RBFOX1: variants seen among roughly 807,000 people sequenced by gnomAD.
The protein encoded by RBFOX1 is RNA binding fox-1 homolog 1.
RBFOX1 carries 8 observed loss-of-function variants against 57.7 expected under a neutral mutation model. That is an observed-to-expected ratio of 0.14 (90% CI 0.08 to 0.25). The LOEUF (loss-of-function observed/expected upper bound fraction) is 0.25, where lower values mean the gene tolerates loss of function less well. Among genes scored for constraint, RBFOX1 ranks in the 10% least tolerant of loss-of-function variants. The pLI, the probability that RBFOX1 is intolerant of heterozygous loss-of-function variation, is 1.00. For synonymous variants in RBFOX1, 326 were observed against 222.4 expected, an observed-to-expected ratio of 1.47 and a Z score of -4.15; for missense variants, 611 against 548.5, an observed-to-expected ratio of 1.11 and a Z score of -1.14.
intron 4 of RBFOX1, among the ~76,000 whole-genome samples, chr16:7,085,300 G>T (rs62014108): frequency 2.0e-5 from 3 of 152,092 alleles, no homozygotes; most frequent in Non-Finnish European, 4.4e-5. Flanking sequence ...ACTCAGCACC[G>T]GCTCATGGTT....
chr16:5,480,280 C>G (rs1175765384), intron 2 of RBFOX1, among the ~76,000 whole-genome samples: 1 of 152,056 alleles, frequency 6.6e-6, no homozygotes, highest in Admixed American at 6.5e-5. Flanking sequence ...TTCTCCTAAT[C>G]TCTCTCCAAG....
chr16:7,099,541 C>A (rs1160805150), intron 4 of RBFOX1, among the ~76,000 whole-genome samples: 1 of 152,150 alleles, frequency 6.6e-6, no homozygotes, highest in African/African-American at 2.4e-5. Flanking sequence ...AAGTCTCAGT[C>A]AACTTAGAAA....
chr16:7,665,149 C>T (rs1457982916), intron 13 of RBFOX1, among the ~76,000 whole-genome samples, 181 bp downstream of exon 13: 2 of 152,136 alleles, frequency 1.3e-5, no homozygotes, highest in Non-Finnish European at 2.9e-5. Flanking sequence ...TGGCAGACAT[C>T]ACTGGCTGTT....
intron 4 of RBFOX1, among the ~76,000 whole-genome samples, chr16:7,402,762 A>C (rs1012590562): frequency 6.6e-6 from 1 of 152,172 alleles, no homozygotes; most frequent in African/African-American, 2.4e-5. Flanking sequence ...CCCCTCCTTA[A>C]TCCCATTTGA....
intron 4 of RBFOX1, among the ~76,000 whole-genome samples, chr16:7,375,453 G>A (rs2097667958): frequency 6.6e-6 from 1 of 151,792 alleles, no homozygotes; most frequent in African/African-American, 2.4e-5. Flanking sequence ...CTCAATCCAG[G>A]AAAGAGAGAC....
At chr16:7,036,015 C>T (rs748499775) in intron 3 of RBFOX1, among the ~76,000 whole-genome samples, 3 of 152,144 alleles carry the variant, frequency 2.0e-5, no homozygotes, top group Non-Finnish European at 4.4e-5. Context: ...CTTCCCATTT[C>T]TTAAATAATG....
intron 3 of RBFOX1, among the ~76,000 whole-genome samples, chr16:7,014,038 A>C (rs1185808660): frequency 6.6e-6 from 1 of 152,210 alleles, no homozygotes; most frequent in Non-Finnish European, 1.5e-5. Context: ...TTGAGGATGA[A>C]ATATGTAACA....
chr16:7,513,228 A>T (rs1216329646), intron 4 of RBFOX1, among the ~76,000 whole-genome samples: 2 of 151,910 alleles, frequency 1.3e-5, no homozygotes, highest in Non-Finnish European at 2.9e-5. Context: ...CTACCATTGC[A>T]CTCCAGCTTG....
chr16:6,879,122 C>G (rs756329676), intron 3 of RBFOX1, among the ~76,000 whole-genome samples: 7 of 152,130 alleles, frequency 4.6e-5, no homozygotes, highest in Admixed American at 2.0e-4. Flanking sequence ...ACAGTTTGAC[C>G]TTCATTTCAG....
At chr16:6,430,555 A>G (rs1261360485) in intron 2 of RBFOX1, among the ~76,000 whole-genome samples, 1 of 152,152 alleles carries the variant, frequency 6.6e-6, no homozygotes, top group Non-Finnish European at 1.5e-5. Flanking sequence ...ACACAGGCCA[A>G]AGAATGGAGT....
At chr16:7,701,722 A>G (rs531220234) in intron 14 of RBFOX1, among the ~76,000 whole-genome samples, 1 of 152,282 alleles carries the variant, frequency 6.6e-6, no homozygotes, top group East Asian at 1.9e-4. Flanking sequence ...TCAAATTAAA[A>G]CTAGGAGAAG....
intron 3 of RBFOX1, among the ~76,000 whole-genome samples, chr16:6,721,440 C>G (rs1040800536): frequency 1.2e-4 from 19 of 152,194 alleles, no homozygotes; most frequent in Middle Eastern, 3.4e-3. Context: ...GAGACTCTGT[C>G]TCAAAAACAA....
chr16:7,135,630 C>G (rs567815595), intron 4 of RBFOX1, among the ~76,000 whole-genome samples: 1 of 152,276 alleles, frequency 6.6e-6, no homozygotes, highest in African/African-American at 2.4e-5. Flanking sequence ...ATTTAATTGC[C>G]GCTGTTCGCG....
intron 2 of RBFOX1, chr16:6,573,728 A>T (rs1422496493): frequency 1.3e-5 from 2 of 152,258 alleles, no homozygotes; most frequent in Non-Finnish European, 2.9e-5. Context: ...TTGGTAGAGA[A>T]GGCACGGGCG....
At chr16:6,217,534 C>T (rs989875092) in intron 1 of RBFOX1, among the ~76,000 whole-genome samples, 1 of 152,084 alleles carries the variant, frequency 6.6e-6, no homozygotes, top group Non-Finnish European at 1.5e-5. Flanking sequence ...AGTTTGATTC[C>T]CCCTGCTCCT....
chr16:7,251,376 C>T (rs1233700211), intron 4 of RBFOX1, among the ~76,000 whole-genome samples: 2 of 148,644 alleles, frequency 1.3e-5, no homozygotes, highest in African/African-American at 5.0e-5. Flanking sequence ...AATGACATTC[C>T]ATTGTAGATA....
chr16:7,344,518 G>C (rs989830999), intron 4 of RBFOX1, among the ~76,000 whole-genome samples: 12 of 150,648 alleles, frequency 8.0e-5, no homozygotes, highest in African/African-American at 2.4e-4. Context: ...ATAATGATTA[G>C]ATGACACATA....
intron 3 of RBFOX1, among the ~76,000 whole-genome samples, chr16:7,027,113 A>G (rs1292216412): frequency 6.6e-6 from 1 of 152,128 alleles, no homozygotes; most frequent in Non-Finnish European, 1.5e-5. Flanking sequence ...GTCTCTCCTA[A>G]ACGCTTTCTA....
intron 3 of RBFOX1, among the ~76,000 whole-genome samples, chr16:5,844,385 C>T (rs773388905): frequency 3.3e-5 from 5 of 152,176 alleles, no homozygotes; most frequent in Non-Finnish European, 7.3e-5. Flanking sequence ...AGTCTCCCAT[C>T]CCACAAGGGT....
Sources: allele counts gnomAD v4.1 joint callset (sites outside exome capture counted in the v4.1 genomes callset), GRCh38; gene constraint gnomAD v4.1.1; transcripts MANE v1.5; gene names NCBI Gene and HGNC (gene_info 2026-07-23, HGNC 2026-07-21).